SELENOO: variants seen among roughly 807,000 people sequenced by gnomAD.
SELENOO encodes selenoprotein O.
A neutral mutation model predicts 58.7 loss-of-function variants in SELENOO; 74 were observed. The observed-to-expected ratio is 1.26, with a 90% CI of 1.04 to 1.53. The LOEUF (loss-of-function observed/expected upper bound fraction) is 1.53, where lower values mean the gene tolerates loss of function less well. Ranked by LOEUF, SELENOO falls within the 40% of genes most tolerant of loss-of-function variation. The pLI, the probability that SELENOO is intolerant of heterozygous loss-of-function variation, is 0.00. For missense variants in SELENOO, 1,149 were observed against 970.0 expected, an observed-to-expected ratio of 1.18 and a Z score of -2.45; for synonymous variants, 543 against 453.2, an observed-to-expected ratio of 1.20 and a Z score of -2.52.
intron 5 of SELENOO, among the ~76,000 whole-genome samples, chr22:50,215,142 CAG>C (rs964080453): frequency 4.3e-4 from 65 of 152,288 alleles, no homozygotes; most frequent in African/African-American, 1.0e-3. Context: ...TTTCCAGAGT[CAG>C]GGGGAGGATC....
At chr22:50,211,939 G>A (rs922189851) in intron 5 of SELENOO, among the ~76,000 whole-genome samples, 2 of 152,238 alleles carry the variant, frequency 1.3e-5, no homozygotes, top group Non-Finnish European at 2.9e-5. Flanking sequence ...CCGACCTCAG[G>A]TGATCTGCCC....
At chr22:50,210,519 G>C (rs572181894) in intron 4 of SELENOO, 112 bp from the exon 5 acceptor site, 3 of 1,514,132 alleles carry the variant, frequency 2.0e-6, no homozygotes, top group Non-Finnish European at 2.7e-6. Context: ...GACAGGGCCA[G>C]AGAGCCACGG....
intron 3 of SELENOO, among the ~76,000 whole-genome samples, chr22:50,209,892 T>G (rs1158407475): frequency 1.3e-5 from 2 of 152,208 alleles, no homozygotes; most frequent in African/African-American, 2.4e-5. Context: ...CTTCTCTGCT[T>G]CTTTGGGGTC....
rs905394594 is a variant in SELENOO, at chr22:50,204,078, A to G, written c.555-2239A>G. Among the ~76,000 whole-genome samples, 3 of 152,274 alleles carry G rather than the reference A, an allele frequency of 2.0e-5. No individual in the cohort carries two copies. The East Asian group carries it at 5.8e-4, about 29-fold the overall frequency. ...GCCAATAAGCACGTGAAGAGTTTATAACATGAGAAGACGCTCAACGTCATC... is the reference window on the plus strand; with the variant it reads ...GCCAATAAGCACGTGAAGAGTTTATGACATGAGAAGACGCTCAACGTCATC... On this transcript the variant is annotated intron_variant, in intron 1 of 8. Coordinates refer to ENST00000380903, the MANE Select transcript of SELENOO (RefSeq NM_031454.2).
chr22:50,208,721 G>C lies in SELENOO; in HGVS notation c.939+5G>C. On this transcript the variant is annotated splice_donor_5th_base_variant and intron_variant, in intron 3 of 8. Transcript: ENST00000380903. ...AATGCTGCCTTCTTCCGGGAGGTCA[G>C]TGGGCCGCACGCCACCCCTCCCTGC... 1.2e-6 allele frequency: 2 copies of C among 1,610,354 alleles called. No individual in the cohort carries two copies. The highest frequency in any genetic ancestry group is 2.2e-5 in the South Asian group (2 of 91,020).
At position 50,217,223 on chromosome 22, in the gene SELENOO, C is replaced by T. The variant is rs748986919; in HGVS notation, c.1864C>T (p.Leu622=). The T allele has an allele frequency of 6.2e-7, 1 of 1,611,064 alleles. No homozygotes were observed. Among genetic ancestry groups the T allele is most frequent in the African/African-American group, 1.3e-5 (1 of 74,998 alleles). ...CCTCCAGGTGCGGCGGGTGCTGAAA[C>T]TACTGGAGACCCCTTACCACTGCGA... ...DFSEVRRVLK[L]LETPYHCEAG... is the part of the protein sequence containing the mutation. The change falls in exon 9 of 9, where the codon CTA becomes TTA. Residue 622 remains leucine (L), a synonymous_variant. Coordinates refer to ENST00000380903, the MANE Select transcript of SELENOO (RefSeq NM_031454.2).
At chr22:50,213,900 G>A (rs1012270613) in intron 5 of SELENOO, among the ~76,000 whole-genome samples, 4 of 151,490 alleles carry the variant, frequency 2.6e-5, no homozygotes, top group Non-Finnish European at 4.4e-5. Context: ...CACCTGCCTC[G>A]GCCTCCCAAA....
chr22:50,206,888 C>T (rs563707505), intron 2 of SELENOO, among the ~76,000 whole-genome samples: 4 of 126,936 alleles, frequency 3.2e-5, no homozygotes, highest in South Asian at 2.4e-4. Flanking sequence ...CTGCCTGGTG[C>T]TTCTGGGGGG....
intron 2 of SELENOO, 40 bp downstream of exon 2, chr22:50,206,560 C>G: frequency 6.5e-7 from 1 of 1,543,764 alleles, no homozygotes. Flanking sequence ...CACGCACTTG[C>G]TTAGAGTCCT....
At chr22:50,204,906 A>G (rs1376000102) in intron 1 of SELENOO, among the ~76,000 whole-genome samples, 3 of 152,158 alleles carry the variant, frequency 2.0e-5, no homozygotes, top group Non-Finnish European at 4.4e-5. Flanking sequence ...GTGGAATATT[A>G]TTCATCCTTA....
rs553333320 is a variant in SELENOO, at chr22:50,210,167, C to T, written c.940-14C>T. On this transcript the variant is annotated splice_polypyrimidine_tract_variant and intron_variant, in intron 3 of 8. Coordinates refer to ENST00000380903, the MANE Select transcript of SELENOO (RefSeq NM_031454.2). Reference sequence around the variant, plus strand: ...GGACCCCGAGGAGGGAGCAAGCACACTGTCCCACCCCAGGTGACGCGGCGC... The same window carrying T: ...GGACCCCGAGGAGGGAGCAAGCACATTGTCCCACCCCAGGTGACGCGGCGC... The T allele has an allele frequency of 4.7e-5, 76 of 1,610,870 alleles. 4 individuals carry two copies. The South Asian group carries it at 8.1e-4, about 17-fold the overall frequency.
At chr22:50,216,539 C>A in intron 6 of SELENOO, 152 bp from the exon 7 acceptor site, 1 of 704,058 alleles carries the variant, frequency 1.4e-6, no homozygotes, top group Non-Finnish European at 2.4e-6. Flanking sequence ...TCCATCCCTG[C>A]CAGTGGGGTT....
Position 50,215,759 on chromosome 22 carries a change from C to A in SELENOO, c.1394C>A (p.Pro465Gln), listed in dbSNP as rs1158204518. ...ACCTTCTACTTGCTGAGCTCCTTCCCAGTGGAGCTAGAGTCGCCAGGCCTG... is the reference window on the plus strand; with the variant it reads ...ACCTTCTACTTGCTGAGCTCCTTCCAAGTGGAGCTAGAGTCGCCAGGCCTG... ...TNTFYLLSSFPVELESPGLAE... is the reference protein window; with the variant it reads ...TNTFYLLSSFQVELESPGLAE... Residue 465 changes from proline to glutamine, a missense_variant, in exon 6 of 9, where the codon CCA becomes CAA. Transcript: ENST00000380903. 1 of 1,611,018 alleles carries A rather than the reference C, an allele frequency of 6.2e-7. No individual in the cohort carries two copies. Among genetic ancestry groups the A allele is most frequent in the African/African-American group, 1.3e-5 (1 of 74,864 alleles).
Position 50,217,365 on chromosome 22 carries a change from C to A in SELENOO, c.2006C>A (p.Ser669Ter). The A allele has an allele frequency of 6.2e-7, 1 of 1,612,676 alleles. No individual in the cohort carries two copies. Among genetic ancestry groups the A allele is most frequent in the Non-Finnish European group, 8.5e-7 (1 of 1,179,896 alleles). Residue 669 changes from serine to a stop codon, truncating the protein, a stop_gained, in exon 9 of 9, where the codon TCG becomes TAG. Coordinates refer to ENST00000380903, the MANE Select transcript of SELENOO (RefSeq NM_031454.2). LOFTEE classifies it high-confidence loss of function. ...GCAGAACTGTGCGTGACATGATCTTCGTAACGGCCTCGGCACGCTCCACAC... is the reference window on the plus strand; with the variant it reads ...GCAGAACTGTGCGTGACATGATCTTAGTAACGGCCTCGGCACGCTCCACAC... ...WAAELCVTUS[S>*]
intron 5 of SELENOO, 103 bp downstream of exon 5, chr22:50,211,014 TG>T: frequency 7.9e-7 from 1 of 1,273,820 alleles, no homozygotes; most frequent in Non-Finnish European, 1.1e-6. Context: ...AGTCACTCCC[TG>T]GGCCCACCCC....
At chr22:50,208,395 A>T in intron 2 of SELENOO, 141 bp from the exon 3 acceptor site, 1 of 708,356 alleles carries the variant, frequency 1.4e-6, no homozygotes, top group Non-Finnish European at 2.3e-6. Context: ...GCGCCACTGC[A>T]CTCCAGCCTG....
chr22:50,210,935 AG>A (rs1265544705), intron 5 of SELENOO, 24 bp downstream of exon 5: 6 of 1,613,326 alleles, frequency 3.7e-6, no homozygotes, highest in Non-Finnish European at 5.1e-6. Flanking sequence ...CCGTGCCCAC[AG>A]CAAGGCGCCT....
At position 50,217,071 on chromosome 22, in the gene SELENOO, G is replaced by A. The variant is rs370560456; in HGVS notation, c.1788G>A (p.Leu596=). 20 of 1,612,810 alleles carry A rather than the reference G, an allele frequency of 1.2e-5. No homozygotes were observed. The highest frequency in any genetic ancestry group is 1.7e-5 in the Non-Finnish European group (20 of 1,179,968). Residue 596 remains leucine, a synonymous_variant, in exon 8 of 9, where the codon CTG becomes CTA. Transcript: ENST00000380903. The part of the protein sequence containing the change: ...VMHANNPKYV[L]RNYIAQNAIE... ...ACGCCAACAACCCGAAGTACGTGCT[G>A]AGGAACTACATCGCGCAGAATGCCA... is the stretch of plus-strand genomic sequence containing the variant.
In SELENOO at chr22:50,204,266, G is replaced by A. The variant is rs528772492; in HGVS notation, c.555-2051G>A. Among the ~76,000 whole-genome samples the A allele has an allele frequency of 2.6e-5, 4 of 152,274 alleles. No individual in the cohort carries two copies. In the South Asian group the frequency reaches 8.3e-4, roughly 32 times the overall value. On this transcript the variant is annotated intron_variant, in intron 1 of 8. Coordinates refer to ENST00000380903, the MANE Select transcript of SELENOO (RefSeq NM_031454.2). The stretch of plus-strand genomic sequence containing the variant: ...GAATTGCTTGAACCCGGGAGGTGGA[G>A]CTTGCAGTGAGCCAAGATCACACCA...
Sources: allele counts gnomAD v4.1 joint callset (sites outside exome capture counted in the v4.1 genomes callset), GRCh38; gene constraint gnomAD v4.1.1; transcripts MANE v1.5; gene names NCBI Gene and HGNC (gene_info 2026-07-23, HGNC 2026-07-21).